Variants in TMEM106B observed in about 807,000 individuals in gnomAD.
TMEM106B encodes the protein transmembrane protein 106B.
Under a neutral mutation model 31.1 loss-of-function variants are expected in TMEM106B, and 15 were observed. That is an observed-to-expected ratio of 0.48 (90% CI 0.32 to 0.74). The LOEUF is 0.74. Ranked by LOEUF, TMEM106B falls within the 30% of genes least tolerant of loss-of-function variation. The pLI is 0.03. For synonymous variants in TMEM106B, 126 were observed against 112.5 expected, an observed-to-expected ratio of 1.12 and a Z score of -0.76; for missense variants, 283 against 327.3, an observed-to-expected ratio of 0.86 and a Z score of 1.04.
intron 2 of TMEM106B, among the ~76,000 whole-genome samples, chr7:12,217,534 T>C (rs1455798742): frequency 1.3e-5 from 2 of 152,218 alleles, no homozygotes; most frequent in African/African-American, 4.8e-5. Flanking sequence ...TCTGTGTCCA[T>C]GTTTAGCTCT....
Position 12,238,419 on chromosome 7 carries a change from G to A in TMEM106B, c.*6444G>A, listed in dbSNP as rs1183614980. The A allele has an allele frequency of 1.3e-5, 2 of 152,068 alleles. No homozygotes were observed. The highest frequency in any genetic ancestry group is 4.8e-5 in the African/African-American group (2 of 41,426). The allele number at this position is 152,068 out of a possible 1,614,324, so 9.4% of individuals were successfully genotyped here. A position where few individuals can be genotyped will look rare whatever the true frequency, so the allele number is the denominator to read the frequency against. ...CCCCTCAAAATTATCCATGAGAGTTGAAATCAATTTCTTTCAAACTCCTGT... is the reference window on the plus strand; with the variant it reads ...CCCCTCAAAATTATCCATGAGAGTTAAAATCAATTTCTTTCAAACTCCTGT... On this transcript the variant is annotated 3_prime_UTR_variant, in exon 8 of 8. Transcript: ENST00000396668.
chr7:12,218,480 A>G lies in TMEM106B; in HGVS notation c.240A>G (p.Ala80=), dbSNP rs752834167. 2.5e-6 allele frequency: 4 copies of G among 1,612,882 alleles called. No homozygotes were observed. Among genetic ancestry groups the G allele is most frequent in the Non-Finnish European group, 3.4e-6 (4 of 1,179,410 alleles). The change falls in exon 3 of 8, where the codon GCA becomes GCG. Residue 80 remains alanine (A), a synonymous_variant. Coordinates refer to ENST00000396668, the MANE Select transcript of TMEM106B (RefSeq NM_001134232.2). ...TAGGGCAAGAAAACCAACTGGTGGC[A>G]TTGATTCCATATAGTGATCAGAGAT... The part of the protein sequence containing the change: ...IPRGQENQLV[A]LIPYSDQRLR...
intron 3 of TMEM106B, among the ~76,000 whole-genome samples, chr7:12,219,635 A>G (rs1463294544): frequency 1.3e-5 from 2 of 152,146 alleles, no homozygotes; most frequent in African/African-American, 2.4e-5. Context: ...TGAGATAACT[A>G]AACAATGGGA....
Position 12,232,249 on chromosome 7 carries a change from T to G in TMEM106B, c.*274T>G, listed in dbSNP as rs1329727297. 1 of 219,976 alleles carries G rather than the reference T, an allele frequency of 4.5e-6. No individual in the cohort carries two copies. Among genetic ancestry groups the G allele is most frequent in the East Asian group, 8.8e-5 (1 of 11,422 alleles). 13.6% of individuals were successfully genotyped at this position (219,976 alleles called of 1,614,324 possible). A position where few individuals can be genotyped will look rare whatever the true frequency, so the allele number is the denominator to read the frequency against. On this transcript the variant is annotated 3_prime_UTR_variant, in exon 8 of 8. Transcript: ENST00000396668. Reference sequence around the variant, plus strand: ...TACAGGGAAAAGCTGATACTTCCCCTATAGTACAATAAATAATTATTTAAA... The same window carrying G: ...TACAGGGAAAAGCTGATACTTCCCCGATAGTACAATAAATAATTATTTAAA...
chr7:12,218,370 C>A, intron 2 of TMEM106B, 88 bp from the exon 3 acceptor site: 1 of 1,053,476 alleles, frequency 9.5e-7, no homozygotes. Flanking sequence ...AGATGATATT[C>A]TGGTCTTTCC....
At position 12,235,249 on chromosome 7, in the gene TMEM106B, A is replaced by T. The variant is rs922085817; in HGVS notation, c.*3274A>T. The T allele has an allele frequency of 3.3e-5, 5 of 152,350 alleles. No individual in the cohort carries two copies. The highest frequency in any genetic ancestry group is 7.4e-5 in the Non-Finnish European group (5 of 67,846). 9.4% of individuals were successfully genotyped at this position (152,350 alleles called of 1,614,324 possible). On this transcript the variant is annotated 3_prime_UTR_variant, in exon 8 of 8. Transcript: ENST00000396668. Reference sequence around the variant, plus strand: ...ATAAGACTGATCCATTGTCTAAGGAAATTATTTATAAATAATAGAGATTAA... The same window carrying T: ...ATAAGACTGATCCATTGTCTAAGGATATTATTTATAAATAATAGAGATTAA...
chr7:12,225,718 T>C (rs894803590), intron 4 of TMEM106B, among the ~76,000 whole-genome samples: 2 of 151,664 alleles, frequency 1.3e-5, no homozygotes, highest in African/African-American at 4.8e-5. Context: ...GATGGGGTTG[T>C]TTGATTTTTT....
At chr7:12,229,527 C>A (rs1046376473) in intron 4 of TMEM106B, 152 bp from the exon 5 acceptor site, 4 of 643,478 alleles carry the variant, frequency 6.2e-6, no homozygotes, top group Non-Finnish European at 7.6e-6. Context: ...TGCATAAAAC[C>A]AAATAATTGG....
Position 12,222,665 on chromosome 7 carries a change from G to A in TMEM106B, c.282-1561G>A, listed in dbSNP as rs143601618. The stretch of plus-strand genomic sequence containing the variant: ...AAATTTCCTATTAGGTAATCCAGTG[G>A]GGATCACTACCCCTACTCAGGTTGA... On this transcript the variant is annotated intron_variant, in intron 3 of 7. Transcript: ENST00000396668. Among the ~76,000 whole-genome samples the A allele has an allele frequency of 5.3e-5, 8 of 152,212 alleles. No homozygotes were observed. The East Asian group carries it at 1.5e-3, about 29-fold the overall frequency.
In TMEM106B at chr7:12,238,832, T is replaced by G. The variant is rs1158662992; in HGVS notation, c.*6857T>G. 1 of 152,170 alleles carries G rather than the reference T, an allele frequency of 6.6e-6. No homozygotes were observed. Among genetic ancestry groups the G allele is most frequent in the African/African-American group, 2.4e-5 (1 of 41,450 alleles). The allele number at this position is 152,170 out of a possible 1,614,324, so 9.4% of individuals were successfully genotyped here. On this transcript the variant is annotated 3_prime_UTR_variant, in exon 8 of 8. Transcript: ENST00000396668. ...AACCGTGTTGTAAACAGATGTCATA[T>G]TATCCAGACTGTTCCATTTATTGAA...
intron 1 of TMEM106B, among the ~76,000 whole-genome samples, chr7:12,213,292 TG>T (rs1305330918): frequency 3.3e-5 from 5 of 150,770 alleles, no homozygotes; most frequent in South Asian, 2.1e-4. Flanking sequence ...AACTGTTGAA[TG>T]AAAAAAAAAC....
intron 3 of TMEM106B, among the ~76,000 whole-genome samples, chr7:12,220,267 T>C (rs1196091460): frequency 4.6e-5 from 7 of 152,206 alleles, no homozygotes; most frequent in African/African-American, 1.7e-4. Context: ...TTTTAAACTA[T>C]GATTTTGAAT....
At chr7:12,215,582 AT>A in intron 2 of TMEM106B, 1 of 327,444 alleles carries the variant, frequency 3.1e-6, no homozygotes, top group Non-Finnish European at 6.4e-6. Context: ...TATTTTTAAA[AT>A]TTTATTTTTT....
intron 3 of TMEM106B, among the ~76,000 whole-genome samples, chr7:12,221,456 A>C: frequency 6.6e-6 from 1 of 152,198 alleles, no homozygotes; most frequent in East Asian, 1.9e-4. Flanking sequence ...AAGAGATACA[A>C]AATCAAAGAA....
At chr7:12,230,460 CT>C (rs1307837400) in intron 6 of TMEM106B, 22 bp downstream of exon 6, 1 of 1,446,010 alleles carries the variant, frequency 6.9e-7, no homozygotes, top group Admixed American at 1.8e-5. Context: ...TTTATAATAA[CT>C]TTTTATTGTC....
chr7:12,212,737 C>A (rs1303196272), intron 1 of TMEM106B, among the ~76,000 whole-genome samples: 2 of 152,146 alleles, frequency 1.3e-5, no homozygotes, highest in Non-Finnish European at 2.9e-5. Context: ...GAGCAACACA[C>A]ATTGTACCCA....
chr7:12,216,785 A>G (rs765858827), intron 2 of TMEM106B, among the ~76,000 whole-genome samples: 2 of 152,162 alleles, frequency 1.3e-5, no homozygotes, highest in Admixed American at 6.5e-5. Flanking sequence ...ACCAACTGTC[A>G]TATGCTACTG....
intron 7 of TMEM106B, 200 bp from the exon 8 acceptor site, chr7:12,231,637 G>A (rs1445943535): frequency 6.9e-6 from 3 of 435,130 alleles, no homozygotes; most frequent in Non-Finnish European, 8.2e-6. Flanking sequence ...GTGTAATTAT[G>A]TCTACAGGGC....
At chr7:12,225,106 G>C (rs1376907871) in intron 4 of TMEM106B, among the ~76,000 whole-genome samples, 1 of 152,108 alleles carries the variant, frequency 6.6e-6, no homozygotes, top group Non-Finnish European at 1.5e-5. Context: ...CTATGAGTGA[G>C]AACACGTGGT....
Sources: allele counts gnomAD v4.1 joint callset (sites outside exome capture counted in the v4.1 genomes callset), GRCh38; gene constraint gnomAD v4.1.1; transcripts MANE v1.5; gene names NCBI Gene and HGNC (gene_info 2026-07-23, HGNC 2026-07-21).